The following SRFBP1 variants were observed in gnomAD, a reference collection of about 807,000 sequenced individuals.
SRFBP1 encodes serum response factor binding protein 1.
SRFBP1 carries 47 observed loss-of-function variants against 45.5 expected under a neutral mutation model. That is an observed-to-expected ratio of 1.03 (90% confidence interval 0.82 to 1.32). The LOEUF (loss-of-function observed/expected upper bound fraction) is 1.32. SRFBP1 is among the 40% of genes most tolerant of loss of function. The pLI, the probability that SRFBP1 is intolerant of heterozygous loss-of-function variation, is 0.00. For synonymous variants in SRFBP1, 203 were observed against 166.3 expected (o/e 1.22, Z -1.70); for missense variants, 621 against 484.6 (o/e 1.28, Z -2.64).
intron 4 of SRFBP1, among the ~76,000 whole-genome samples, chr5:122,012,419 G>A (rs1245440285): frequency 6.6e-6 from 1 of 152,010 alleles, no homozygotes; most frequent in African/African-American, 2.4e-5. Context: ...TCAAATACAA[G>A]TGTAATATTT....
intron 2 of SRFBP1, 85 bp downstream of exon 2, chr5:121,974,369 A>T: frequency 1.1e-6 from 1 of 951,274 alleles, no homozygotes; most frequent in Non-Finnish European, 1.6e-6. Context: ...TTAGGGTGGG[A>T]TATAGAGAAG....
chr5:122,061,598 A>G (rs1258845355), intron 2 of SRFBP1, among the ~76,000 whole-genome samples: 1 of 151,978 alleles, frequency 6.6e-6, no homozygotes, highest in African/African-American at 2.4e-5. Context: ...GCATAACATA[A>G]TTTTAAGTAT....
chr5:122,033,308 T>C (rs1401586929), downstream of SRFBP1, among the ~76,000 whole-genome samples: 1 of 152,152 alleles, frequency 6.6e-6, no homozygotes, highest in Non-Finnish European at 1.5e-5. Context: ...TATCATGTTA[T>C]TTCTTTTTCT....
Position 122,010,756 on chromosome 5 carries a change from A to G in SRFBP1, c.271-8504A>G, listed in dbSNP as rs188630329. On this transcript the variant is annotated intron_variant, in intron 4 of 7. Coordinates refer to ENST00000339397, the MANE Select transcript of SRFBP1 (RefSeq NM_152546.3). The stretch of plus-strand genomic sequence containing the variant: ...TTTCACAAAAAAACTGTATTTATAT[A>G]TGACCAGTTTTCAGTGTTTTTATTA... Among the ~76,000 whole-genome samples, 38 of 152,250 alleles carry G rather than the reference A, an allele frequency of 2.5e-4. 1 individual carries two copies. Among genetic ancestry groups the G allele is most frequent in the Admixed American group, 1.9e-3 (29 of 15,302 alleles).
At chr5:121,974,168 C>T in intron 1 of SRFBP1, 28 bp from the exon 2 acceptor site, 1 of 1,544,498 alleles carries the variant, frequency 6.5e-7, no homozygotes, top group Non-Finnish European at 8.9e-7. Flanking sequence ...AAGTGCCTTT[C>T]TTCTAATTAT....
Position 122,020,280 on chromosome 5 carries a change from A to G in SRFBP1, c.545A>G (p.His182Arg). The change falls in exon 6 of 8, where the codon CAT becomes CGT. Residue 182 changes from histidine (H) to arginine (R), a missense_variant. Coordinates refer to ENST00000339397, the MANE Select transcript of SRFBP1 (RefSeq NM_152546.3). ...AAAATATTGGCGAAGAAACCAATAC[A>G]TAATTCAAAGGAAAAAATAGCAAAG... ...ETKILAKKPI[H>R]NSKEKIAKME... 6.2e-7 allele frequency: 1 copy of G among 1,612,552 alleles called. No homozygotes were observed. The highest frequency in any genetic ancestry group is 8.5e-7 in the Non-Finnish European group (1 of 1,179,616).
intron 2 of SRFBP1, chr5:122,063,270 T>C (rs1354844951): frequency 2.6e-5 from 4 of 151,890 alleles, no homozygotes; most frequent in African/African-American, 9.7e-5. Context: ...TAAAAGAATA[T>C]GAGAATGCAA....
At chr5:122,038,281 A>G (rs1003908137) in intron 2 of SRFBP1, among the ~76,000 whole-genome samples, 1 of 152,196 alleles carries the variant, frequency 6.6e-6, no homozygotes, top group Non-Finnish European at 1.5e-5. Flanking sequence ...AAGGAGCCCA[A>G]AAGCCCAAAA....
At chr5:122,052,892 C>T (rs923778850) in intron 2 of SRFBP1, among the ~76,000 whole-genome samples, 3 of 152,016 alleles carry the variant, frequency 2.0e-5, no homozygotes, top group Non-Finnish European at 2.9e-5. Flanking sequence ...GTCTTTGAAG[C>T]TGCTGTCCTT....
intron 4 of SRFBP1, among the ~76,000 whole-genome samples, chr5:122,010,431 A>G (rs1249278816): frequency 6.6e-6 from 1 of 152,152 alleles, no homozygotes; most frequent in African/African-American, 2.4e-5. Context: ...ATTTAATGTA[A>G]GTTTTAATTG....
At chr5:122,047,519 T>C (rs2152576008) in intron 2 of SRFBP1, among the ~76,000 whole-genome samples, 1 of 152,344 alleles carries the variant, frequency 6.6e-6, no homozygotes, top group East Asian at 1.9e-4. Context: ...AGGATTGTCT[T>C]GGCAATGCGG....
chr5:121,969,448 T>C (rs986197856), intron 1 of SRFBP1, among the ~76,000 whole-genome samples: 9 of 152,098 alleles, frequency 5.9e-5, no homozygotes, highest in Non-Finnish European at 1.2e-4. Flanking sequence ...CACTGCCAAC[T>C]TTTGCCTCTC....
At chr5:122,076,953 T>C, downstream of SRFBP1, 1 of 1,613,868 alleles carries the variant, frequency 6.2e-7, no homozygotes, top group Non-Finnish European at 8.5e-7. Flanking sequence ...CTTCTGCACG[T>C]ACGTGGACGC....
chr5:122,074,243 C>G (rs1372498395), intron 2 of SRFBP1: 3 of 1,268,704 alleles, frequency 2.4e-6, no homozygotes, highest in Non-Finnish European at 3.3e-6. Flanking sequence ...AAATGACTTC[C>G]CCCATGGCTT....
downstream of SRFBP1, chr5:122,077,981 C>T: frequency 2.1e-6 from 3 of 1,454,824 alleles, no homozygotes; most frequent in Non-Finnish European, 2.7e-6. The surrounding 1 kb of genome is among the most constrained non-coding windows in gnomAD (Gnocchi z 4.9). Context: ...CCAGGCGAAG[C>T]GCATCACTCC....
chr5:122,031,434 A>C (rs559102145), downstream of SRFBP1, among the ~76,000 whole-genome samples: 1 of 152,242 alleles, frequency 6.6e-6, no homozygotes. Context: ...CAGACTTCAC[A>C]CTTACTCAAA....
Position 122,027,821 on chromosome 5 carries a change from G to A in SRFBP1, c.*695G>A, listed in dbSNP as rs1337321850. The A allele has an allele frequency of 6.6e-6, 1 of 151,848 alleles. No homozygotes were observed. The highest frequency in any genetic ancestry group is 1.5e-5 in the Non-Finnish European group (1 of 67,946). The allele number at this position is 151,848 out of a possible 1,614,324, so 9.4% of individuals were successfully genotyped here. ...AAAATAGTTGTCTAGGACAATTTTGGGATTCTTAATTATATTTTAGTTAAG... is the reference window on the plus strand; with the variant it reads ...AAAATAGTTGTCTAGGACAATTTTGAGATTCTTAATTATATTTTAGTTAAG... On this transcript the variant is annotated 3_prime_UTR_variant, in exon 8 of 8. Coordinates refer to ENST00000339397, the MANE Select transcript of SRFBP1 (RefSeq NM_152546.3).
intron 3 of SRFBP1, among the ~76,000 whole-genome samples, chr5:121,991,882 C>G (rs1318840245): frequency 4.6e-5 from 7 of 151,852 alleles, no homozygotes; most frequent in African/African-American, 1.2e-4. Flanking sequence ...TCCAAAATAC[C>G]GAAGTATAAA....
Position 122,028,104 on chromosome 5 carries a change from T to G in SRFBP1, c.*978T>G, listed in dbSNP as rs1228488716. On this transcript the variant is annotated 3_prime_UTR_variant, in exon 8 of 8. Transcript: ENST00000339397. ...GGGACTGCTTTATACATCACAGTAC[T>G]GCTATTTAAAAGGAAAACAGAAATT... 1 of 152,236 alleles carries G rather than the reference T, an allele frequency of 6.6e-6. No homozygotes were observed. The allele number at this position is 152,236 out of a possible 1,614,324, so 9.4% of individuals were successfully genotyped here. A position where few individuals can be genotyped will look rare whatever the true frequency, so the allele number is the denominator to read the frequency against.
Sources: allele counts gnomAD v4.1 joint callset (sites outside exome capture counted in the v4.1 genomes callset), GRCh38; gene constraint gnomAD v4.1.1; non-coding constraint Gnocchi (gnomAD v3.1); transcripts MANE v1.5; gene names NCBI Gene and HGNC (gene_info 2026-07-23, HGNC 2026-07-21).